PPM1H: variants seen among roughly 807,000 people sequenced by gnomAD.
PPM1H encodes protein phosphatase, Mg2+/Mn2+ dependent 1H, also known as protein phosphatase 1H.
A neutral mutation model predicts 54.9 loss-of-function variants in PPM1H; 27 were observed. That is an observed-to-expected ratio of 0.49 (90% CI 0.36 to 0.68). The LOEUF is 0.68. Ranked by LOEUF, PPM1H falls within the 30% of genes least tolerant of loss-of-function variation. PPM1H has a pLI of 0.00. For missense variants in PPM1H, 596 were observed against 667.8 expected, an observed-to-expected ratio of 0.89 and a Z score of 1.19; for synonymous variants, 305 against 270.8, an observed-to-expected ratio of 1.13 and a Z score of -1.24.
At chr12:62,689,364 T>C (rs2076071247) in intron 8 of PPM1H, among the ~76,000 whole-genome samples, 1 of 152,206 alleles carries the variant, frequency 6.6e-6, no homozygotes, top group Non-Finnish European at 1.5e-5. Context: ...GTCTGAGCTT[T>C]ACTCTCCATG....
At chr12:62,804,933 C>T (rs1455634556) in intron 2 of PPM1H, among the ~76,000 whole-genome samples, 1 of 152,062 alleles carries the variant, frequency 6.6e-6, no homozygotes, top group African/African-American at 2.4e-5. Flanking sequence ...CCTCGGCCTC[C>T]CAAAGTGCTG....
At chr12:62,755,332 T>C in intron 4 of PPM1H, 1 of 1,148,964 alleles carries the variant, frequency 8.7e-7, no homozygotes, top group Non-Finnish European at 1.3e-6. Context: ...CAATGACCCC[T>C]TCATTGACCT....
At chr12:62,752,689 C>A (rs1030777978) in intron 4 of PPM1H, among the ~76,000 whole-genome samples, 2 of 152,112 alleles carry the variant, frequency 1.3e-5, no homozygotes, top group African/African-American at 4.8e-5. Context: ...CCTTTTCCTG[C>A]AAAAATTCTA....
intron 2 of PPM1H, among the ~76,000 whole-genome samples, chr12:62,831,728 T>A (rs891056873): frequency 6.6e-6 from 1 of 151,172 alleles, no homozygotes; most frequent in East Asian, 2.0e-4. Context: ...TGTGTGTGTG[T>A]GAGTGTGTGT....
intron 1 of PPM1H, among the ~76,000 whole-genome samples, chr12:62,876,740 G>A (rs1261730011): frequency 6.6e-6 from 1 of 152,192 alleles, no homozygotes; most frequent in African/African-American, 2.4e-5. Flanking sequence ...AATGGGGGCT[G>A]AGTGCCACTT....
At chr12:62,747,248 T>C (rs2076418113) in intron 4 of PPM1H, among the ~76,000 whole-genome samples, 3 of 152,100 alleles carry the variant, frequency 2.0e-5, no homozygotes, top group Admixed American at 2.0e-4. Context: ...GTGATTCTCC[T>C]GCCTCAGCCT....
chr12:62,710,727 G>A (rs1251369401), intron 6 of PPM1H, among the ~76,000 whole-genome samples: 5 of 152,124 alleles, frequency 3.3e-5, no homozygotes, highest in African/African-American at 7.2e-5. Context: ...GGCAGAGGCA[G>A]CCAGCAGACC....
chr12:62,764,329 A>G (rs893959386), intron 4 of PPM1H, among the ~76,000 whole-genome samples: 6 of 152,120 alleles, frequency 3.9e-5, no homozygotes, highest in African/African-American at 1.4e-4. Context: ...GTATGCCCTA[A>G]ATTAGTGAGT....
intron 4 of PPM1H, among the ~76,000 whole-genome samples, chr12:62,744,884 C>G (rs1327448705): frequency 6.6e-6 from 1 of 152,156 alleles, no homozygotes; most frequent in African/African-American, 2.4e-5. Context: ...GCCCTACAAC[C>G]CTCGGTCCAC....
chr12:62,813,143 G>T (rs562123245), intron 2 of PPM1H, among the ~76,000 whole-genome samples: 12 of 152,158 alleles, frequency 7.9e-5, no homozygotes, highest in African/African-American at 2.4e-4. Flanking sequence ...GACGTTTCCT[G>T]TGGAGACCAA....
chr12:62,926,412 G>A (rs1455858553), intron 1 of PPM1H, among the ~76,000 whole-genome samples: 1 of 152,074 alleles, frequency 6.6e-6, no homozygotes, highest in Admixed American at 6.6e-5. Context: ...GAGTAGGATG[G>A]TTATTCTAGT....
intron 7 of PPM1H, among the ~76,000 whole-genome samples, chr12:62,691,246 A>C (rs374875297): frequency 6.6e-6 from 1 of 152,192 alleles, no homozygotes; most frequent in African/African-American, 2.4e-5. Context: ...CTAACCCTTA[A>C]TCATAAAAAA....
intron 3 of PPM1H, among the ~76,000 whole-genome samples, chr12:62,790,661 G>C (rs565320411): frequency 1.3e-5 from 2 of 152,296 alleles, no homozygotes; most frequent in Admixed American, 1.3e-4. Flanking sequence ...CTGGGAGAGA[G>C]CTGGGTAAGA....
At chr12:62,926,791 C>T (rs1202836454) in intron 1 of PPM1H, among the ~76,000 whole-genome samples, 3 of 152,054 alleles carry the variant, frequency 2.0e-5, no homozygotes, top group Non-Finnish European at 4.4e-5. Context: ...CCCATCTGTA[C>T]TAAAAATACA....
chr12:62,732,669 T>C (rs2076328691), intron 5 of PPM1H, among the ~76,000 whole-genome samples: 1 of 151,680 alleles, frequency 6.6e-6, no homozygotes, highest in Non-Finnish European at 1.5e-5. Flanking sequence ...CCTCCCGGGT[T>C]CACGCCATTC....
At chr12:62,757,171 G>A (rs1003318351) in intron 4 of PPM1H, among the ~76,000 whole-genome samples, 8 of 152,248 alleles carry the variant, frequency 5.3e-5, no homozygotes, top group South Asian at 4.1e-4. Context: ...TCATGCTCTC[G>A]TAGGGCTGGG....
In PPM1H at chr12:62,739,079, G is replaced by GA. The variant is rs34304517; in HGVS notation, c.870-1494dup. Among the ~76,000 whole-genome samples, 315 of 146,132 alleles carry GA rather than the reference G, an allele frequency of 2.2e-3. 1 individual carries two copies. Among genetic ancestry groups the GA allele is most frequent in the African/African-American group, 3.0e-3 (121 of 40,056 alleles). On this transcript the variant is annotated intron_variant, in intron 4 of 9. Coordinates refer to ENST00000228705, the MANE Select transcript of PPM1H (RefSeq NM_020700.2). ...GGTTTTAGAGAACTTATGACTCTAG[G>GA]AAAAAAAAAAACAGTGGAAGCTGTG...
At chr12:62,804,863 G>T (rs2076796993) in intron 2 of PPM1H, among the ~76,000 whole-genome samples, 2 of 151,118 alleles carry the variant, frequency 1.3e-5, no homozygotes, top group African/African-American at 4.9e-5. Flanking sequence ...TTTTAGTAGA[G>T]ACGGGGTTTC....
Position 62,934,861 on chromosome 12 carries a change from C to T in PPM1H, c.-125G>A. 1.0e-6 allele frequency: 1 copy of T among 985,400 alleles called. No individual in the cohort carries two copies. Among genetic ancestry groups the T allele is most frequent in the Non-Finnish European group, 1.3e-6 (1 of 767,630 alleles). The allele number at this position is 985,400 out of a possible 1,614,324, so 61.0% of individuals were successfully genotyped here. On this transcript the variant is annotated 5_prime_UTR_variant, in exon 1 of 10. Coordinates refer to ENST00000228705, the MANE Select transcript of PPM1H (RefSeq NM_020700.2). The surrounding 1 kb of genome is among the most constrained non-coding windows in gnomAD (Gnocchi z 4.2). ...CGGCGAGTCGGGCCACTGGGACGCG[C>T]CGCGCGCGGCTCCCAGAGCCTAGTG... is the stretch of plus-strand genomic sequence containing the variant.
Sources: gnomAD v4.1 joint callset for allele counts (sites outside exome capture counted in the v4.1 genomes callset) on GRCh38, gnomAD v4.1.1 for gene constraint, Gnocchi (gnomAD v3.1) non-coding constraint, MANE v1.5 for transcripts, NCBI Gene and HGNC (gene_info 2026-07-23, HGNC 2026-07-21) for gene names.